Variants in EYA3 observed in about 807,000 individuals in gnomAD.
EYA3 encodes the protein EYA transcriptional coactivator and phosphatase 3, also known as protein phosphatase EYA3.
A neutral mutation model predicts 80.0 loss-of-function variants in EYA3; 39 were observed. The observed-to-expected ratio is 0.49, with a 90% CI of 0.38 to 0.64. EYA3 has a LOEUF of 0.64. EYA3 is among the 30% of genes least tolerant of loss of function. The pLI is 0.00. For synonymous variants in EYA3, 206 were observed against 232.8 expected (o/e 0.88, Z 1.05); for missense variants, 523 against 676.1 (o/e 0.77, Z 2.51).
At chr1:27,977,064 G>A in intron 17 of EYA3, 1 of 985,300 alleles carries the variant, frequency 1.0e-6, no homozygotes, top group Non-Finnish European at 1.2e-6. Flanking sequence ...TTAGCTCAGA[G>A]TTACCAACTC....
chr1:27,984,221 G>C (rs1167767832), intron 16 of EYA3, among the ~76,000 whole-genome samples: 1 of 151,756 alleles, frequency 6.6e-6, no homozygotes, highest in Non-Finnish European at 1.5e-5. Flanking sequence ...TTTTATTTTT[G>C]TAGAGATGGG....
rs1571686181 is a variant in EYA3, at chr1:27,974,505, T to C, written c.1683A>G (p.Leu561=). 1 of 1,613,128 alleles carries C rather than the reference T, an allele frequency of 6.2e-7. No homozygotes were observed. The highest frequency in any genetic ancestry group is 8.5e-7 in the Non-Finnish European group (1 of 1,179,164). Residue 561 remains leucine, a synonymous_variant, in exon 18 of 18, where the codon CTA becomes CTG. Coordinates refer to ENST00000373871, the MANE Select transcript of EYA3 (RefSeq NM_001990.4). The part of the protein sequence containing the change: ...PFWRITNHGD[L]VSLHQALELD... ...GCTCTAAAGCCTGGTGAAGGGATAC[T>C]AGGTCTCCATGGTTTGTGATCCTCC...
chr1:28,035,497 G>A (rs764154344), intron 6 of EYA3, 47 bp downstream of exon 6: 2 of 1,597,370 alleles, frequency 1.3e-6, no homozygotes, highest in African/African-American at 1.3e-5. Flanking sequence ...AGTTTCTGCG[G>A]AATAAAATCA....
chr1:27,989,915 T>C (rs1198495525), intron 14 of EYA3, 104 bp from the exon 15 acceptor site: 6 of 576,252 alleles, frequency 1.0e-5, no homozygotes, highest in Non-Finnish European at 1.8e-5. Flanking sequence ...GTCACTGAAA[T>C]ATTCTACTGA....
At chr1:28,064,791 A>G (rs999669914) in intron 1 of EYA3, among the ~76,000 whole-genome samples, 2 of 152,118 alleles carry the variant, frequency 1.3e-5, no homozygotes, top group Non-Finnish European at 2.9e-5. Context: ...TCCAGCTCCA[A>G]GTAATTTTTA....
At chr1:28,064,073 G>A (rs1415270442) in intron 1 of EYA3, among the ~76,000 whole-genome samples, 1 of 152,032 alleles carries the variant, frequency 6.6e-6, no homozygotes, top group East Asian at 1.9e-4. Flanking sequence ...GTCAACAGTA[G>A]TGGCTTAATT....
At chr1:28,001,255 T>C (rs1386044538) in intron 11 of EYA3, among the ~76,000 whole-genome samples, 1 of 148,788 alleles carries the variant, frequency 6.7e-6, no homozygotes, top group East Asian at 1.9e-4. Context: ...TAATAATATA[T>C]ATGATACAAG....
intron 16 of EYA3, among the ~76,000 whole-genome samples, chr1:27,983,801 G>A (rs543054158): frequency 2.0e-4 from 30 of 152,198 alleles, no homozygotes; most frequent in East Asian, 5.8e-4. Flanking sequence ...GATTACAGGC[G>A]TGTGCCACCA....
chr1:27,974,349 G>GAGATAGAGACAGAGACAC lies in EYA3; in HGVS notation c.*99_*116dup. 1 of 640,944 alleles carries GAGATAGAGACAGAGACAC rather than the reference G, an allele frequency of 1.6e-6. No homozygotes were observed. Among genetic ancestry groups the GAGATAGAGACAGAGACAC allele is most frequent in the Non-Finnish European group, 2.7e-6 (1 of 370,784 alleles). 39.7% of individuals were successfully genotyped at this position (640,944 alleles called of 1,614,324 possible). On this transcript the variant is annotated 3_prime_UTR_variant, in exon 18 of 18. Coordinates refer to ENST00000373871, the MANE Select transcript of EYA3 (RefSeq NM_001990.4). ...AGAGAGAGAAAGAGAGAAAGAGAGA[G>GAGATAGAGACAGAGACAC]AGATAGAGACAGAGACACAGAGAGA...
At chr1:28,077,463 G>A (rs1645263349) in intron 1 of EYA3, among the ~76,000 whole-genome samples, 1 of 152,064 alleles carries the variant, frequency 6.6e-6, no homozygotes, top group Admixed American at 6.6e-5. Context: ...CAAAACCATA[G>A]TAAAAAGTAT....
In EYA3 at chr1:27,989,800, G is replaced by T. The variant is rs769406386; in HGVS notation, c.1315C>A (p.Pro439Thr). The change falls in exon 15 of 18, where the codon CCC (proline) becomes ACC (threonine). Residue 439 changes from proline to threonine, a missense_variant. By Grantham distance (38) the Pro-to-Thr change is conservative. This residue lies in a region of EYA3 where 219 missense variants were observed against 332.8 expected (regional missense o/e 0.66). Transcript: ENST00000373871. ...HKSNVGGLLSPQRKEALQRLR... is the reference protein window; with the variant it reads ...HKSNVGGLLSTQRKEALQRLR... ...CTCTGCAGTGCTTCCTTCCTCTGGGGACTGAGGAGACCTTTAGGAATAAAA... is the reference window on the plus strand; with the variant it reads ...CTCTGCAGTGCTTCCTTCCTCTGGGTACTGAGGAGACCTTTAGGAATAAAA... 6 of 1,601,032 alleles carry T rather than the reference G, an allele frequency of 3.7e-6. No individual in the cohort carries two copies. The South Asian group carries it at 6.7e-5, about 18-fold the overall frequency.
intron 11 of EYA3, among the ~76,000 whole-genome samples, chr1:28,001,705 C>T (rs1318631102): frequency 2.2e-5 from 3 of 138,588 alleles, no homozygotes; most frequent in African/African-American, 7.9e-5. Flanking sequence ...CACCATGGCA[C>T]CCCAGCCTGG....
intron 16 of EYA3, among the ~76,000 whole-genome samples, chr1:27,986,292 G>A (rs1354847904): frequency 6.6e-6 from 1 of 151,914 alleles, no homozygotes; most frequent in East Asian, 2.0e-4. Context: ...TTGAACCTGG[G>A]AGGCAGAAGT....
intron 2 of EYA3, among the ~76,000 whole-genome samples, chr1:28,053,922 G>T (rs1644356649): frequency 6.6e-6 from 1 of 152,104 alleles, no homozygotes; most frequent in African/African-American, 2.4e-5. Flanking sequence ...GGCTATGAAG[G>T]TTTAAACAAG....
At chr1:28,072,381 T>C (rs539245686) in intron 1 of EYA3, among the ~76,000 whole-genome samples, 1 of 152,208 alleles carries the variant, frequency 6.6e-6, no homozygotes, top group African/African-American at 2.4e-5. Flanking sequence ...CAGAGGAGAT[T>C]CCAAAAGTTT....
At chr1:28,069,057 T>C (rs903469511) in intron 1 of EYA3, among the ~76,000 whole-genome samples, 1 of 152,180 alleles carries the variant, frequency 6.6e-6, no homozygotes, top group Non-Finnish European at 1.5e-5. Context: ...TCCGCCCGCC[T>C]TGGCCTCCCA....
chr1:28,033,095 A>G (rs1643239238), intron 6 of EYA3, among the ~76,000 whole-genome samples: 1 of 152,186 alleles, frequency 6.6e-6, no homozygotes, highest in South Asian at 2.1e-4. Context: ...AGACAAGGTA[A>G]TATTATTATA....
intron 1 of EYA3, among the ~76,000 whole-genome samples, chr1:28,069,941 C>T (rs953144351): frequency 1.5e-4 from 23 of 152,118 alleles, no homozygotes; most frequent in African/African-American, 4.8e-4. Context: ...TGGAGGGTTA[C>T]GGTCAAGGAA....
intron 1 of EYA3, among the ~76,000 whole-genome samples, chr1:28,073,524 T>G (rs549511935): frequency 1.8e-4 from 27 of 151,982 alleles, no homozygotes; most frequent in South Asian, 4.1e-4. Context: ...GGTCCTGAAC[T>G]CCTGACCTCA....
Sources: allele counts gnomAD v4.1 joint callset (sites outside exome capture counted in the v4.1 genomes callset), GRCh38; gene constraint gnomAD v4.1.1; regional missense constraint gnomAD v4.1.1; transcripts MANE v1.5; gene names NCBI Gene and HGNC (gene_info 2026-07-23, HGNC 2026-07-21).